PTPRT: variants seen among roughly 807,000 people sequenced by gnomAD.
PTPRT encodes the protein protein tyrosine phosphatase receptor type T.
Under a neutral mutation model 176.8 loss-of-function variants are expected in PTPRT, and 56 were observed. The observed-to-expected ratio is 0.32, with a 90% CI of 0.26 to 0.40. The LOEUF (loss-of-function observed/expected upper bound fraction) is 0.40. PTPRT is among the 10% of genes least tolerant of loss of function. PTPRT has a pLI of 1.00. For synonymous variants in PTPRT, 783 were observed against 739.0 expected, an observed-to-expected ratio of 1.06 and a Z score of -0.96; for missense variants, 1,540 against 1,908.2, an observed-to-expected ratio of 0.81 and a Z score of 3.60.
At chr20:42,998,160 T>G (rs527856861) in intron 1 of PTPRT, among the ~76,000 whole-genome samples, 1 of 152,196 alleles carries the variant, frequency 6.6e-6, no homozygotes, top group Non-Finnish European at 1.5e-5. Context: ...AGAGGATAGA[T>G]GGGAATGCAT....
intron 1 of PTPRT, among the ~76,000 whole-genome samples, chr20:43,094,625 C>T (rs973670345): frequency 6.0e-5 from 9 of 150,260 alleles, no homozygotes; most frequent in Admixed American, 4.0e-4. Flanking sequence ...CTCAAACTCC[C>T]AACCTCAAGT....
At chr20:42,532,367 CATCCTTCTATAAAAGGGCT>C (rs779770268) in intron 7 of PTPRT, among the ~76,000 whole-genome samples, 22 of 152,136 alleles carry the variant, frequency 1.4e-4, no homozygotes, top group Non-Finnish European at 2.8e-4. Context: ...AATCCATTCA[CATCCTTCTATAAAAGGGCT>C]ATATCCAGCT....
intron 7 of PTPRT, among the ~76,000 whole-genome samples, chr20:42,526,088 T>C (rs551506336): frequency 6.6e-5 from 10 of 152,228 alleles, no homozygotes; most frequent in African/African-American, 2.4e-4. Flanking sequence ...AGATTTAAAG[T>C]CCATTAATTT....
At chr20:42,810,366 T>G (rs2077681964) in intron 2 of PTPRT, among the ~76,000 whole-genome samples, 1 of 151,962 alleles carries the variant, frequency 6.6e-6, no homozygotes, top group South Asian at 2.1e-4. Context: ...GATGTTGGGG[T>G]GATTACATAA....
At chr20:42,412,767 A>G (rs2059030287) in intron 9 of PTPRT, among the ~76,000 whole-genome samples, 1 of 152,190 alleles carries the variant, frequency 6.6e-6, no homozygotes, top group African/African-American at 2.4e-5. Context: ...TGACAGCAAG[A>G]TGCCTCATGA....
chr20:42,769,020 T>C (rs953599582), intron 5 of PTPRT, among the ~76,000 whole-genome samples: 18 of 152,184 alleles, frequency 1.2e-4, no homozygotes, highest in Admixed American at 4.6e-4. Context: ...GGCAATGCCA[T>C]TGAAATCACA....
intron 7 of PTPRT, among the ~76,000 whole-genome samples, chr20:42,598,691 A>AG (rs1299666227): frequency 6.7e-6 from 1 of 149,364 alleles, no homozygotes; most frequent in Admixed American, 6.6e-5. Context: ...AACCATACAT[A>AG]GGGAAAAAAA....
chr20:42,280,190 C>T (rs1267212018), intron 13 of PTPRT, among the ~76,000 whole-genome samples: 1 of 152,142 alleles, frequency 6.6e-6, no homozygotes, highest in Non-Finnish European at 1.5e-5. Context: ...TCCTCACGGG[C>T]AGTGGACGGA....
At chr20:42,978,686 C>T (rs1983100798) in intron 1 of PTPRT, among the ~76,000 whole-genome samples, 1 of 152,130 alleles carries the variant, frequency 6.6e-6, no homozygotes, top group Non-Finnish European at 1.5e-5. Flanking sequence ...AAACAGGTTG[C>T]AGTAAAGAAG....
At position 43,189,021 on chromosome 20, in the gene PTPRT, C is replaced by T. The variant is rs1034007302; in HGVS notation, c.88+625G>A. ...CCTCCAAGGGCCTTAACACGGGCGC[C>T]CAGCTACCTCGGAGAAAAGCCAGCG... On this transcript the variant is annotated intron_variant, in intron 1 of 30. Coordinates refer to ENST00000373187, the MANE Select transcript of PTPRT (RefSeq NM_007050.6). The surrounding 1 kb of genome is among the most constrained non-coding windows in gnomAD (Gnocchi z 5.0). Among the ~76,000 whole-genome samples the T allele has an allele frequency of 2.6e-5, 4 of 152,190 alleles. No homozygotes were observed. Among genetic ancestry groups the T allele is most frequent in the African/African-American group, 9.7e-5 (4 of 41,446 alleles).
At chr20:43,121,517 G>A (rs1019028521) in intron 1 of PTPRT, among the ~76,000 whole-genome samples, 3 of 152,188 alleles carry the variant, frequency 2.0e-5, no homozygotes, top group Admixed American at 6.5e-5. Context: ...GAATCTGGTG[G>A]ATGCATACTG....
At chr20:42,809,028 C>T (rs2077656504) in intron 2 of PTPRT, among the ~76,000 whole-genome samples, 1 of 152,192 alleles carries the variant, frequency 6.6e-6, no homozygotes, top group African/African-American at 2.4e-5. Flanking sequence ...GGCTTCTGGG[C>T]TTCATGACCC....
At chr20:42,288,610 T>C (rs1024417007) in intron 12 of PTPRT, among the ~76,000 whole-genome samples, 1 of 152,080 alleles carries the variant, frequency 6.6e-6, no homozygotes, top group Non-Finnish European at 1.5e-5. Flanking sequence ...AGACAGAACA[T>C]GTGGCATTTG....
At chr20:43,016,123 G>C (rs1985356617) in intron 1 of PTPRT, among the ~76,000 whole-genome samples, 1 of 152,028 alleles carries the variant, frequency 6.6e-6, no homozygotes, top group African/African-American at 2.4e-5. Flanking sequence ...CTGTCCAAGG[G>C]GGTCTACAGA....
At chr20:42,512,829 G>A (rs920467892) in intron 7 of PTPRT, among the ~76,000 whole-genome samples, 1 of 152,030 alleles carries the variant, frequency 6.6e-6, no homozygotes, top group South Asian at 2.1e-4. Context: ...ATGTTTTAAT[G>A]TTGTCATTGT....
In PTPRT at chr20:43,086,799, G is replaced by T. The variant is rs952673992; in HGVS notation, c.88+102847C>A. On this transcript the variant is annotated intron_variant, in intron 1 of 30. Transcript: ENST00000373187. ...ACTAATCCTACTGTTATAACCGGGGGCTGGGAGGGAAGAATTGCTCTTCTA... is the reference window on the plus strand; with the variant it reads ...ACTAATCCTACTGTTATAACCGGGGTCTGGGAGGGAAGAATTGCTCTTCTA... 5.3e-5 allele frequency among the ~76,000 whole-genome samples: 8 copies of T among 152,276 alleles called. No individual in the cohort carries two copies. In the East Asian group the frequency reaches 1.5e-3, roughly 29 times the overall value.
At chr20:42,323,743 C>T (rs2145410497) in intron 11 of PTPRT, among the ~76,000 whole-genome samples, 1 of 151,250 alleles carries the variant, frequency 6.6e-6, no homozygotes, top group South Asian at 2.1e-4. Context: ...TACATGTACC[C>T]TAAAACTTAA....
intron 8 of PTPRT, among the ~76,000 whole-genome samples, chr20:42,463,644 C>T (rs1264397716): frequency 6.6e-6 from 1 of 152,066 alleles, no homozygotes; most frequent in Non-Finnish European, 1.5e-5. Flanking sequence ...ATTTCTACAT[C>T]TGAAAAGGGG....
chr20:42,455,248 T>C (rs1479955893), intron 8 of PTPRT, among the ~76,000 whole-genome samples: 1 of 152,212 alleles, frequency 6.6e-6, no homozygotes, highest in African/African-American at 2.4e-5. Context: ...TCTGTACTTG[T>C]CTTGTTATGG....
Sources: gnomAD v4.1 joint callset for allele counts (sites outside exome capture counted in the v4.1 genomes callset) on GRCh38, gnomAD v4.1.1 for gene constraint, Gnocchi (gnomAD v3.1) non-coding constraint, MANE v1.5 for transcripts, NCBI Gene and HGNC (gene_info 2026-07-23, HGNC 2026-07-21) for gene names.